The following SFMBT2 variants were observed in gnomAD, a reference collection of about 807,000 sequenced individuals.
SFMBT2 encodes Scm like with four mbt domains 2.
A neutral mutation model predicts 110.1 loss-of-function variants in SFMBT2; 38 were observed. The ratio of observed to expected loss-of-function variants is 0.35; its 90% CI spans 0.27 to 0.45. SFMBT2 has a LOEUF of 0.45. Ranked by LOEUF, SFMBT2 falls within the 20% of genes least tolerant of loss-of-function variation. SFMBT2 has a pLI of 1.00. For synonymous variants in SFMBT2, 425 were observed against 425.4 expected (o/e 1.00, Z 0.01); for missense variants, 1,011 against 1,094.9 (o/e 0.92, Z 1.08).
chr10:7,279,759 T>G (rs1458591130), intron 6 of SFMBT2, among the ~76,000 whole-genome samples: 6 of 152,188 alleles, frequency 3.9e-5, no homozygotes, highest in Non-Finnish European at 8.8e-5. Context: ...GGGCATTTCC[T>G]AATAAGTGCC....
chr10:7,252,753 T>G (rs560132909), intron 7 of SFMBT2, among the ~76,000 whole-genome samples: 1 of 152,250 alleles, frequency 6.6e-6, no homozygotes, highest in Non-Finnish European at 1.5e-5. Context: ...GTTTCAGCTG[T>G]GTGGTAAATG....
rs552328248 is a variant in SFMBT2 at position 7,337,214 on chromosome 10, G to A, written c.436+30435C>T. Among the ~76,000 whole-genome samples, 24 of 152,274 alleles carry A rather than the reference G, an allele frequency of 1.6e-4. 1 individual carries two copies. Among genetic ancestry groups the A allele is most frequent in the African/African-American group, 4.3e-4 (18 of 41,562 alleles). On this transcript the variant is annotated intron_variant, in intron 4 of 20. Coordinates refer to ENST00000397167, the MANE Select transcript of SFMBT2 (RefSeq NM_001387889.1). ...ATGGTAGTCAAATGTCCTACTAAAC[G>A]TATGGATATCTGTTCAAAGCCGCTG...
intron 4 of SFMBT2, among the ~76,000 whole-genome samples, chr10:7,344,541 A>G (rs528289199): frequency 1.3e-5 from 2 of 152,060 alleles, no homozygotes; most frequent in African/African-American, 4.8e-5. Context: ...CTTTTTTTCT[A>G]TATATATTAT....
At position 7,370,270 on chromosome 10, in the gene SFMBT2, G is replaced by A; in HGVS notation, c.195+11C>T. 1 of 1,609,468 alleles carries A rather than the reference G, an allele frequency of 6.2e-7. No individual in the cohort carries two copies. The highest frequency in any genetic ancestry group is 2.2e-5 in the East Asian group (1 of 44,854). On this transcript the variant is annotated intron_variant, in intron 3 of 20. Coordinates refer to ENST00000397167, the MANE Select transcript of SFMBT2 (RefSeq NM_001387889.1). The stretch of plus-strand genomic sequence containing the variant: ...TCTAGACACAGAGAAGACACAAGCT[G>A]CTTTACATACGTGTTTGAATGATGT...
At chr10:7,310,264 G>A (rs1040619882) in intron 4 of SFMBT2, among the ~76,000 whole-genome samples, 6 of 152,178 alleles carry the variant, frequency 3.9e-5, no homozygotes, top group African/African-American at 1.2e-4. Context: ...GCTGTCCCAC[G>A]CCAGAGGGGA....
In SFMBT2 at chr10:7,228,772, CT is replaced by C. The variant is rs1564395564; in HGVS notation, c.1121-836del. ...TCTCTCTCTCTCTCTCTCTCTCTCTCTCTCTCTCTCCCCCTCCCTCTCTCTC... is the reference window on the plus strand; with the variant it reads ...TCTCTCTCTCTCTCTCTCTCTCTCTCCTCTCTCTCCCCCTCCCTCTCTCTC... On this transcript the variant is annotated intron_variant, in intron 9 of 20. Coordinates refer to ENST00000397167, the MANE Select transcript of SFMBT2 (RefSeq NM_001387889.1). Among the ~76,000 whole-genome samples, 24 of 135,400 alleles carry C rather than the reference CT, an allele frequency of 1.8e-4. 1 individual carries two copies. The South Asian group carries it at 2.7e-3, about 15-fold the overall frequency. 88.8% of individuals were successfully genotyped at this position (135,400 alleles called of 152,430 possible).
rs540022690 is a variant in SFMBT2, at chr10:7,300,190, G to A, written c.437-14236C>T. 7.2e-5 allele frequency among the ~76,000 whole-genome samples: 11 copies of A among 152,060 alleles called. No homozygotes were observed. The East Asian group carries it at 1.2e-3, about 16-fold the overall frequency. On this transcript the variant is annotated intron_variant, in intron 4 of 20. Transcript: ENST00000397167. ...GGGGGATGGGGAGTGGAGGGGGAAC[G>A]GAGGAAACTTAAGAGGACAGGTCAA...
Position 7,309,795 on chromosome 10 carries a change from AAGG to A in SFMBT2, c.437-23844_437-23842del, listed in dbSNP as rs199955322. ...TACATCCATAATAATCCTTTCAAGAAAGGAGGAGGAGGAGGTGGGTGTCTGTAA... is the reference window on the plus strand; with the variant it reads ...TACATCCATAATAATCCTTTCAAGAAAGGAGGAGGAGGTGGGTGTCTGTAA... On this transcript the variant is annotated intron_variant, in intron 4 of 20. Transcript: ENST00000397167. Among the ~76,000 whole-genome samples the A allele has an allele frequency of 2.0e-4, 30 of 152,264 alleles. No homozygotes were observed. The East Asian group carries it at 5.6e-3, about 28-fold the overall frequency.
chr10:7,244,329 C>T (rs115732101), intron 8 of SFMBT2: 427 of 206,084 alleles, frequency 2.1e-3, no homozygotes, highest in African/African-American at 8.9e-3. Context: ...TGGAATAAAC[C>T]GCCCTCACTC....
At chr10:7,344,958 CAA>C (rs35145669) in intron 4 of SFMBT2, among the ~76,000 whole-genome samples, 1 of 53,242 alleles carries the variant, frequency 1.9e-5, no homozygotes, top group Non-Finnish European at 3.6e-5. Context: ...GACTCTGTCT[CAA>C]AAAAAAAAAA....
chr10:7,181,931 G>C (rs1429045275), intron 16 of SFMBT2, among the ~76,000 whole-genome samples: 3 of 152,232 alleles, frequency 2.0e-5, no homozygotes, highest in African/African-American at 7.2e-5. Context: ...TATTCTCAAG[G>C]ATCTTACAGC....
intron 4 of SFMBT2, among the ~76,000 whole-genome samples, chr10:7,296,375 T>C (rs891768880): frequency 5.9e-5 from 9 of 152,244 alleles, no homozygotes; most frequent in South Asian, 2.1e-4. Flanking sequence ...CAAGACTGAA[T>C]TGACATATCA....
At chr10:7,400,042 T>C (rs1305174695) in intron 1 of SFMBT2, among the ~76,000 whole-genome samples, 1 of 152,044 alleles carries the variant, frequency 6.6e-6, no homozygotes, top group African/African-American at 2.4e-5. Flanking sequence ...AATGGGAGGC[T>C]CCTCCAGGCT....
At chr10:7,324,382 A>G (rs1843305941) in intron 4 of SFMBT2, among the ~76,000 whole-genome samples, 2 of 152,168 alleles carry the variant, frequency 1.3e-5, no homozygotes, top group South Asian at 4.1e-4. Flanking sequence ...TGGAATAAGG[A>G]GTAAGAGGTG....
At chr10:7,312,577 C>T (rs917585161) in intron 4 of SFMBT2, among the ~76,000 whole-genome samples, 1 of 152,160 alleles carries the variant, frequency 6.6e-6, no homozygotes, top group Non-Finnish European at 1.5e-5. Flanking sequence ...CATGTTTCAC[C>T]CACTCACAGG....
At position 7,171,868 on chromosome 10, in the gene SFMBT2, C is replaced by A. The variant is rs1446165790; in HGVS notation, c.2415+27G>T. On this transcript the variant is annotated intron_variant, in intron 19 of 20. Transcript: ENST00000397167. This position sits in a 1 kb window ranked among gnomAD's most constrained non-coding sequence, Gnocchi z 4.9. ...GTGCTTCTTCAGACCCAGCGGGAAGCCCTCTGTCCCCACGCCCGGGCATCA... is the reference window on the plus strand; with the variant it reads ...GTGCTTCTTCAGACCCAGCGGGAAGACCTCTGTCCCCACGCCCGGGCATCA... 4 of 1,394,228 alleles carry A rather than the reference C, an allele frequency of 2.9e-6. No individual in the cohort carries two copies. Among genetic ancestry groups the A allele is most frequent in the Non-Finnish European group, 3.7e-6 (4 of 1,076,860 alleles). 86.4% of individuals were successfully genotyped at this position (1,394,228 alleles called of 1,614,324 possible). A position where few individuals can be genotyped will look rare whatever the true frequency, so the allele number is the denominator to read the frequency against.
At chr10:7,314,999 AAAAG>A (rs1003799490) in intron 4 of SFMBT2, among the ~76,000 whole-genome samples, 116 of 148,704 alleles carry the variant, frequency 7.8e-4, no homozygotes, top group East Asian at 1.2e-3. Flanking sequence ...AGAAAGAAAG[AAAAG>A]AAAGAAAGAA....
At chr10:7,197,134 G>C (rs536952675) in intron 15 of SFMBT2, among the ~76,000 whole-genome samples, 11 of 152,170 alleles carry the variant, frequency 7.2e-5, no homozygotes, top group Non-Finnish European at 1.3e-4. Context: ...CCCGGCCAAG[G>C]AGCGCCATTC....
At position 7,171,524 on chromosome 10, in the gene SFMBT2, G is replaced by A. The variant is rs1386053869; in HGVS notation, c.2415+371C>T. On this transcript the variant is annotated intron_variant, in intron 19 of 20. Coordinates refer to ENST00000397167, the MANE Select transcript of SFMBT2 (RefSeq NM_001387889.1). This position sits in a 1 kb window ranked among gnomAD's most constrained non-coding sequence, Gnocchi z 4.9. ...TTAAATATTTTAAAACATCACAGAGGTGTCCTATAGAGGGGACGTGGGAGC... is the reference window on the plus strand; with the variant it reads ...TTAAATATTTTAAAACATCACAGAGATGTCCTATAGAGGGGACGTGGGAGC... 1.0e-6 allele frequency: 1 copy of A among 985,306 alleles called. No individual in the cohort carries two copies. Among genetic ancestry groups the A allele is most frequent in the African/African-American group, 1.7e-5 (1 of 57,230 alleles). The allele number at this position is 985,306 out of a possible 1,614,324, so 61.0% of individuals were successfully genotyped here.
Sources: allele counts gnomAD v4.1 joint callset (sites outside exome capture counted in the v4.1 genomes callset), GRCh38; gene constraint gnomAD v4.1.1; non-coding constraint Gnocchi (gnomAD v3.1); transcripts MANE v1.5; gene names NCBI Gene and HGNC (gene_info 2026-07-23, HGNC 2026-07-21).